HCN2: variants seen among roughly 807,000 people sequenced by gnomAD.
The protein encoded by HCN2 is potassium/sodium hyperpolarization-activated cyclic nucleotide-gated channel 2.
A neutral mutation model predicts 52.3 loss-of-function variants in HCN2; 20 were observed. The ratio of observed to expected loss-of-function variants is 0.38; its 90% CI spans 0.27 to 0.56. HCN2 has a LOEUF of 0.56. Ranked by LOEUF, HCN2 falls within the 20% of genes least tolerant of loss-of-function variation. The pLI, the probability that HCN2 is intolerant of heterozygous loss-of-function variation, is 0.71. For synonymous variants in HCN2, 694 were observed against 537.0 expected (o/e 1.29, Z -4.04); for missense variants, 981 against 1,207.7 (o/e 0.81, Z 2.78).
In HCN2 at chr19:590,404, G is replaced by A; in HGVS notation, c.459G>A (p.Gly153=). Residue 153 remains glycine, a synonymous_variant, in exon 1 of 8, where the codon GGG becomes GGA. Coordinates refer to ENST00000251287, the MANE Select transcript of HCN2 (RefSeq NM_001194.4). This position sits in a 1 kb window ranked among gnomAD's most constrained non-coding sequence, Gnocchi z 7.2. The part of the protein sequence containing the change: ...EAGSEEAGPA[G]EPRGSQASFM... ...GCAGCGAGGAGGCGGGCCCGGCGGGGGAGCCGCGCGGCAGCCAGGCCAGCT... is the reference window on the plus strand; with the variant it reads ...GCAGCGAGGAGGCGGGCCCGGCGGGAGAGCCGCGCGGCAGCCAGGCCAGCT... The A allele has an allele frequency of 2.2e-6, 3 of 1,344,832 alleles. No homozygotes were observed. Among genetic ancestry groups the A allele is most frequent in the Non-Finnish European group, 1.9e-6 (2 of 1,035,944 alleles). The allele number at this position is 1,344,832 out of a possible 1,614,324, so 83.3% of individuals were successfully genotyped here. A position where few individuals can be genotyped will look rare whatever the true frequency, so the allele number is the denominator to read the frequency against.
rs545254932 is a variant in HCN2 at position 592,587 on chromosome 19, G to C, written c.632+2010G>C. Among the ~76,000 whole-genome samples, 3 of 152,244 alleles carry C rather than the reference G, an allele frequency of 2.0e-5. No homozygotes were observed. Among genetic ancestry groups the C allele is most frequent in the African/African-American group, 7.2e-5 (3 of 41,550 alleles). On this transcript the variant is annotated intron_variant, in intron 1 of 7. Coordinates refer to ENST00000251287, the MANE Select transcript of HCN2 (RefSeq NM_001194.4). The surrounding 1 kb of genome is among the most constrained non-coding windows in gnomAD (Gnocchi z 4.8). ...ATGAGTGTTGAAGTGGAACTGAGCAGGCAGGGAATGGGGTTAGCGGGGCCT... is the reference window on the plus strand; with the variant it reads ...ATGAGTGTTGAAGTGGAACTGAGCACGCAGGGAATGGGGTTAGCGGGGCCT...
intron 1 of HCN2, among the ~76,000 whole-genome samples, chr19:598,632 C>T (rs193193560): frequency 3.6e-4 from 55 of 152,294 alleles, no homozygotes; most frequent in African/African-American, 1.2e-3. Flanking sequence ...GACGGAGTCT[C>T]GCTCTGTCGC....
At chr19:601,561 G>C (rs1286669383) in intron 1 of HCN2, among the ~76,000 whole-genome samples, 1 of 151,548 alleles carries the variant, frequency 6.6e-6, no homozygotes, top group African/African-American at 2.4e-5. Context: ...GTGTGAACAC[G>C]GTGGGGTGGT....
chr19:598,275 G>C (rs1276749985), intron 1 of HCN2, among the ~76,000 whole-genome samples: 1 of 151,918 alleles, frequency 6.6e-6, no homozygotes, highest in Non-Finnish European at 1.5e-5. Context: ...CTTCAAGCTT[G>C]TGAGGGGACC....
At position 603,706 on chromosome 19, in the gene HCN2, C is replaced by T. The variant is rs372286860; in HGVS notation, c.795C>T (p.Thr265=). 59 of 1,612,816 alleles carry T rather than the reference C, an allele frequency of 3.7e-5. No homozygotes were observed. The East Asian group carries it at 5.8e-4, about 16-fold the overall frequency. ...TGGACCTGGTGTTGAACTTCCGCAC[C>T]GGCATTGTGATCGAGGACAACACGG... ...FLMDLVLNFR[T]GIVIEDNTEI... The change falls in exon 2 of 8, where the codon ACC becomes ACT. Residue 265 remains threonine, a synonymous_variant. Coordinates refer to ENST00000251287, the MANE Select transcript of HCN2 (RefSeq NM_001194.4).
intron 7 of HCN2, among the ~76,000 whole-genome samples, chr19:614,235 C>T (rs540112584): frequency 1.3e-5 from 2 of 152,164 alleles, no homozygotes; most frequent in South Asian, 4.1e-4. Flanking sequence ...CCTAGGACCC[C>T]TTTGGGTCTA....
intron 4 of HCN2, among the ~76,000 whole-genome samples, chr19:609,483 C>T (rs571900083): frequency 3.6e-4 from 55 of 152,308 alleles, no homozygotes; most frequent in African/African-American, 1.1e-3. Flanking sequence ...TCAGGGCACC[C>T]GGCCTGGTGC....
intron 7 of HCN2, among the ~76,000 whole-genome samples, chr19:614,415 T>A (rs1983810128): frequency 6.6e-6 from 1 of 151,998 alleles, no homozygotes; most frequent in Non-Finnish European, 1.5e-5. Context: ...CAGGGAGGCT[T>A]ATGGACTGGT....
At chr19:613,827 A>ACC in intron 6 of HCN2, 25 bp from the exon 7 acceptor site, 3 of 1,501,250 alleles carry the variant, frequency 2.0e-6, no homozygotes, top group Non-Finnish European at 2.7e-6. Context: ...TCGTCCAGCA[A>ACC]CCCCCCCCTG....
intron 1 of HCN2, among the ~76,000 whole-genome samples, chr19:593,766 C>T (rs555332721): frequency 9.2e-5 from 14 of 152,250 alleles, no homozygotes; most frequent in African/African-American, 3.1e-4. Context: ...AGAGCAAGTT[C>T]AAGGACCCAA....
In HCN2 at chr19:590,896, A is replaced by G. The variant is rs986083396; in HGVS notation, c.632+319A>G. ...GCAGAGGGGCAGAGAGGACGAATAG[A>G]GGGGAACGTGGGCCCCAGAGAGGCG... On this transcript the variant is annotated intron_variant, in intron 1 of 7. Coordinates refer to ENST00000251287, the MANE Select transcript of HCN2 (RefSeq NM_001194.4). The surrounding 1 kb of genome is among the most constrained non-coding windows in gnomAD (Gnocchi z 7.2). 8 of 186,196 alleles carry G rather than the reference A, an allele frequency of 4.3e-5. No individual in the cohort carries two copies. In the East Asian group the frequency reaches 1.0e-3, roughly 24 times the overall value. 11.5% of individuals were successfully genotyped at this position (186,196 alleles called of 1,614,324 possible).
Position 591,511 on chromosome 19 carries a change from G to A in HCN2, c.632+934G>A, listed in dbSNP as rs940262716. ...CCGGTGTGCACCGGTGGGCAGTAGT[G>A]TGAGCCGCAGGCAGGTCTCACACAC... On this transcript the variant is annotated intron_variant, in intron 1 of 7. Transcript: ENST00000251287. The surrounding 1 kb of genome is among the most constrained non-coding windows in gnomAD (Gnocchi z 4.1). Among the ~76,000 whole-genome samples the A allele has an allele frequency of 4.6e-5, 7 of 152,254 alleles. No homozygotes were observed. The East Asian group carries it at 1.4e-3, about 29-fold the overall frequency.
chr19:605,279 A>G lies in HCN2; in HGVS notation c.1218+57A>G, dbSNP rs569376105. Reference sequence around the variant, plus strand: ...ACGCAGGCTCCCATACAGAGGGGGGACCCAGGCCCCCTTATCCCGCTTACA... The same window carrying G: ...ACGCAGGCTCCCATACAGAGGGGGGGCCCAGGCCCCCTTATCCCGCTTACA... On this transcript the variant is annotated intron_variant, in intron 3 of 7. Transcript: ENST00000251287. 6 of 1,557,974 alleles carry G rather than the reference A, an allele frequency of 3.9e-6. No individual in the cohort carries two copies. The African/African-American group carries it at 8.2e-5, about 21-fold the overall frequency.
At position 616,155 on chromosome 19, in the gene HCN2, C is replaced by G; in HGVS notation, c.2351C>G (p.Pro784Arg). ...CCCCCCGCCAGCCCCCCGGGCGCGC[C>G]CGCCAGCCCCCGGGCACCGCGGACC... ...PPPPASPPGA[P>R]ASPRAPRTSP... The change falls in exon 8 of 8, where the codon CCC becomes CGC. Residue 784 changes from proline (P) to arginine (R), a missense_variant. Coordinates refer to ENST00000251287, the MANE Select transcript of HCN2 (RefSeq NM_001194.4). 1.0e-6 allele frequency: 1 copy of G among 967,930 alleles called. No homozygotes were observed. Among genetic ancestry groups the G allele is most frequent in the Non-Finnish European group, 1.2e-6 (1 of 817,044 alleles). 60.0% of individuals were successfully genotyped at this position (967,930 alleles called of 1,614,324 possible).
At chr19:596,362 G>T (rs978223100) in intron 1 of HCN2, among the ~76,000 whole-genome samples, 1 of 152,190 alleles carries the variant, frequency 6.6e-6, no homozygotes. Flanking sequence ...ACTCTGGAGT[G>T]AGAGGGGGTC....
At position 590,658 on chromosome 19, in the gene HCN2, G is replaced by A. The variant is rs536120272; in HGVS notation, c.632+81G>A. 8.4e-5 allele frequency: 95 copies of A among 1,126,652 alleles called. 1 individual carries two copies. In the Admixed American group the frequency reaches 1.9e-3, roughly 23 times the overall value. 69.8% of individuals were successfully genotyped at this position (1,126,652 alleles called of 1,614,324 possible). ...GGGGAGCCGTCCTTGGAGCGCCTGG[G>A]GAGGGCGGGGCGGCGCGCCGGGCCG... On this transcript the variant is annotated intron_variant, in intron 1 of 7. Coordinates refer to ENST00000251287, the MANE Select transcript of HCN2 (RefSeq NM_001194.4). The surrounding 1 kb of genome is among the most constrained non-coding windows in gnomAD (Gnocchi z 7.2).
At chr19:595,372 C>T (rs1040093627) in intron 1 of HCN2, among the ~76,000 whole-genome samples, 3 of 151,876 alleles carry the variant, frequency 2.0e-5, no homozygotes, top group African/African-American at 7.3e-5. Flanking sequence ...TCTGGCCTCC[C>T]GGCTGTCAGC....
rs1182244554 is a variant in HCN2 at position 616,553 on chromosome 19, C to A, written c.*79C>A. 12 of 843,780 alleles carry A rather than the reference C, an allele frequency of 1.4e-5. No homozygotes were observed. Among genetic ancestry groups the A allele is most frequent in the Non-Finnish European group, 1.8e-5 (12 of 664,138 alleles). 52.3% of individuals were successfully genotyped at this position (843,780 alleles called of 1,614,324 possible). Reference sequence around the variant, plus strand: ...AGACCAAAGCCATGCCATTGCGCTGCCCCGGCCGCCAGTCCGCCCAGAAGC... The same window carrying A: ...AGACCAAAGCCATGCCATTGCGCTGACCCGGCCGCCAGTCCGCCCAGAAGC... On this transcript the variant is annotated 3_prime_UTR_variant, in exon 8 of 8. Coordinates refer to ENST00000251287, the MANE Select transcript of HCN2 (RefSeq NM_001194.4).
rs1281207205 is a variant in HCN2 at position 591,629 on chromosome 19, C to T, written c.632+1052C>T. 6.6e-6 allele frequency among the ~76,000 whole-genome samples: 1 copy of T among 151,774 alleles called. No individual in the cohort carries two copies. Among genetic ancestry groups the T allele is most frequent in the Non-Finnish European group, 1.5e-5 (1 of 67,868 alleles). On this transcript the variant is annotated intron_variant, in intron 1 of 7. Transcript: ENST00000251287. This position sits in a 1 kb window ranked among gnomAD's most constrained non-coding sequence, Gnocchi z 4.1. ...TGCAGGTGGAGGGTGTAGGTGGGGC[C>T]CGCCGGGCTAGCGAGGCCGGGCGCG...
Sources: allele counts gnomAD v4.1 joint callset (sites outside exome capture counted in the v4.1 genomes callset), GRCh38; gene constraint gnomAD v4.1.1; non-coding constraint Gnocchi (gnomAD v3.1); transcripts MANE v1.5; gene names NCBI Gene and HGNC (gene_info 2026-07-23, HGNC 2026-07-21).